SUMF1: variants seen among roughly 807,000 people sequenced by gnomAD.
SUMF1 encodes formylglycine-generating enzyme.
Under a neutral mutation model 47.6 loss-of-function variants are expected in SUMF1, and 48 were observed. That is an observed-to-expected ratio of 1.01 (90% CI 0.80 to 1.28). The LOEUF (loss-of-function observed/expected upper bound fraction) is 1.28, where lower values mean the gene tolerates loss of function less well. Ranked by LOEUF, SUMF1 falls within the 50% of genes most tolerant of loss-of-function variation. The pLI is 0.00. For missense variants in SUMF1, 571 were observed against 485.4 expected (o/e 1.18, Z -1.66); for synonymous variants, 230 against 192.1 (o/e 1.20, Z -1.63).
intron 8 of SUMF1, among the ~76,000 whole-genome samples, chr3:4,141,694 C>CA (rs1221511647): frequency 1.3e-5 from 2 of 152,004 alleles, no homozygotes; most frequent in Non-Finnish European, 2.9e-5. Context: ...AACAAACAAA[C>CA]AAAAAACATA....
intron 8 of SUMF1, among the ~76,000 whole-genome samples, chr3:4,304,842 C>A (rs1212012303): frequency 6.6e-6 from 1 of 152,026 alleles, no homozygotes; most frequent in African/African-American, 2.4e-5. Flanking sequence ...TCAGGAGATG[C>A]TGAGAACATG....
intron 8 of SUMF1, among the ~76,000 whole-genome samples, chr3:4,178,096 T>G (rs1261427142): frequency 6.6e-6 from 1 of 152,068 alleles, no homozygotes; most frequent in Non-Finnish European, 1.5e-5. Context: ...ATTCACAGTG[T>G]AATTCTACCA....
intron 3 of SUMF1, 55 bp downstream of exon 3, chr3:4,449,211 A>G: frequency 6.2e-7 from 1 of 1,602,238 alleles, no homozygotes; most frequent in Non-Finnish European, 8.6e-7. Flanking sequence ...TTTTCACCCA[A>G]ACCCTTTTCA....
At chr3:4,055,681 C>T (rs1274367092) in intron 9 of SUMF1, among the ~76,000 whole-genome samples, 2 of 152,196 alleles carry the variant, frequency 1.3e-5, no homozygotes, top group African/African-American at 4.8e-5. Context: ...TGGGGTCTTG[C>T]TATGTTGCCC....
At chr3:4,051,206 G>A (rs1695105427) in intron 9 of SUMF1, among the ~76,000 whole-genome samples, 1 of 151,788 alleles carries the variant, frequency 6.6e-6, no homozygotes, top group Non-Finnish European at 1.5e-5. Context: ...GTTCCTCCCA[G>A]GCAGAACCAA....
chr3:4,158,348 T>C (rs1333407185), intron 8 of SUMF1, among the ~76,000 whole-genome samples: 2 of 151,660 alleles, frequency 1.3e-5, no homozygotes, highest in Non-Finnish European at 2.9e-5. Flanking sequence ...TTTTTTTGAA[T>C]GTTTGCTTGT....
intron 3 of SUMF1, among the ~76,000 whole-genome samples, chr3:4,440,527 G>C (rs986620312): frequency 6.6e-6 from 1 of 152,112 alleles, no homozygotes; most frequent in Non-Finnish European, 1.5e-5. Context: ...TAGAGTTGTC[G>C]TGCAGTTGTG....
rs760655284 is a variant in SUMF1, at chr3:4,303,738, A to G, written c.1014+72592T>C. ...CCTTAGCAAGGGTGTTGTCCTTTTC[A>G]GTCCATTCCCTGAAGCGCAGAACCG... On this transcript the variant is annotated intron_variant and NMD_transcript_variant, in intron 8 of 12. Coordinates refer to the SUMF1 transcript ENST00000448413. 5 of 1,493,610 alleles carry G rather than the reference A, an allele frequency of 3.3e-6. No individual in the cohort carries two copies. In the South Asian group the frequency reaches 6.1e-5, roughly 18 times the overall value. 92.5% of individuals were successfully genotyped at this position (1,493,610 alleles called of 1,614,324 possible).
chr3:4,212,275 T>C (rs2125164612), intron 8 of SUMF1, among the ~76,000 whole-genome samples: 1 of 152,236 alleles, frequency 6.6e-6, no homozygotes, highest in East Asian at 1.9e-4. Context: ...CCACTGGTGA[T>C]ACCCAGGCAA....
At chr3:4,184,370 C>T (rs917814924) in intron 8 of SUMF1, among the ~76,000 whole-genome samples, 1 of 151,748 alleles carries the variant, frequency 6.6e-6, no homozygotes, top group Non-Finnish European at 1.5e-5. Context: ...GTATGAGAAT[C>T]GCTTGAACCC....
At position 4,159,068 on chromosome 3, in the gene SUMF1, C is replaced by T. The variant is rs554970414; in HGVS notation, c.1015-90323G>A. 7.3e-5 allele frequency among the ~76,000 whole-genome samples: 11 copies of T among 151,242 alleles called. No homozygotes were observed. In the East Asian group the frequency reaches 9.7e-4, roughly 13 times the overall value. ...AGTTCATCTTTTCATCTTTCTACTT[C>T]GATATGAATAGTTCATACACCACAA... On this transcript the variant is annotated intron_variant and NMD_transcript_variant, in intron 8 of 12. Transcript: ENST00000448413.
intron 1 of SUMF1, among the ~76,000 whole-genome samples, chr3:4,456,692 G>GTGTA (rs1553588969): frequency 9.9e-4 from 130 of 131,082 alleles, no homozygotes; most frequent in Middle Eastern, 4.4e-3. Flanking sequence ...ATATATGTGT[G>GTGTA]TATATATATA....
intron 8 of SUMF1, among the ~76,000 whole-genome samples, chr3:4,368,840 G>T (rs914933564): frequency 3.9e-5 from 6 of 152,074 alleles, no homozygotes; most frequent in African/African-American, 1.4e-4. Context: ...TGTGCCCTAG[G>T]ATTGTTCTCC....
chr3:4,291,049 C>G (rs2125054814), intron 8 of SUMF1, among the ~76,000 whole-genome samples: 1 of 152,274 alleles, frequency 6.6e-6, no homozygotes, highest in South Asian at 2.1e-4. Context: ...TCACAGGACT[C>G]TTTTAAGGAT....
intron 8 of SUMF1, among the ~76,000 whole-genome samples, chr3:4,161,995 G>A (rs1213622498): frequency 6.6e-6 from 1 of 152,024 alleles, no homozygotes; most frequent in Non-Finnish European, 1.5e-5. Context: ...GATTTTTCAG[G>A]GCCCAAGGGC....
At chr3:4,070,822 G>A (rs1695504046) in intron 8 of SUMF1, among the ~76,000 whole-genome samples, 1 of 151,908 alleles carries the variant, frequency 6.6e-6, no homozygotes, top group Admixed American at 6.6e-5. Context: ...TAGTAGAGAC[G>A]GGGTTTCACC....
chr3:4,191,595 T>A (rs748730180), intron 8 of SUMF1, among the ~76,000 whole-genome samples: 18 of 152,072 alleles, frequency 1.2e-4, no homozygotes, highest in Non-Finnish European at 2.2e-4. Context: ...GCAGGTAGAC[T>A]GGGTAGGCAG....
At chr3:4,341,052 G>T (rs150350177) in intron 8 of SUMF1, among the ~76,000 whole-genome samples, 136 of 151,996 alleles carry the variant, frequency 8.9e-4, no homozygotes, top group African/African-American at 3.1e-3. Context: ...CATCTTTGAA[G>T]ATTTGATTGT....
intron 8 of SUMF1, chr3:4,229,476 A>C: frequency 4.4e-6 from 1 of 226,116 alleles, no homozygotes; most frequent in East Asian, 1.5e-4. Flanking sequence ...AAACTATTGC[A>C]CCTCTCCAGG....
Sources: gnomAD v4.1 joint callset for allele counts (sites outside exome capture counted in the v4.1 genomes callset) on GRCh38, gnomAD v4.1.1 for gene constraint, MANE v1.5 for transcripts, NCBI Gene and HGNC (gene_info 2026-07-23, HGNC 2026-07-21) for gene names.